MTMR9: variants seen among roughly 807,000 people sequenced by gnomAD.
The protein encoded by MTMR9 is myotubularin-related protein 9.
A neutral mutation model predicts 69.5 loss-of-function variants in MTMR9; 39 were observed. The ratio of observed to expected loss-of-function variants is 0.56; its 90% CI spans 0.43 to 0.73. The LOEUF is 0.73. MTMR9 is among the 30% of genes least tolerant of loss of function. The pLI is 0.00. For synonymous variants in MTMR9, 354 were observed against 240.8 expected, an observed-to-expected ratio of 1.47 and a Z score of -4.35; for missense variants, 900 against 671.2, an observed-to-expected ratio of 1.34 and a Z score of -3.77.
intron 3 of MTMR9, among the ~76,000 whole-genome samples, chr8:11,304,315 A>AAGC (rs1799859255): frequency 6.6e-6 from 1 of 152,174 alleles, no homozygotes; most frequent in Non-Finnish European, 1.5e-5. Context: ...CTGTGTTCTC[A>AAGC]TTTGTTCTGG....
At chr8:11,320,987 C>T (rs759368567) in intron 9 of MTMR9, 6 of 159,526 alleles carry the variant, frequency 3.8e-5, no homozygotes, top group Non-Finnish European at 8.3e-5. Context: ...AGGCAGTTCA[C>T]GTGTGGAAAA....
At chr8:11,298,856 A>G (rs1799652167) in intron 2 of MTMR9, 1 of 985,170 alleles carries the variant, frequency 1.0e-6, no homozygotes, top group Non-Finnish European at 1.2e-6. Context: ...TCTGTTTTCC[A>G]GGATTCAAGT....
intron 8 of MTMR9, 57 bp from the exon 9 acceptor site, chr8:11,319,630 C>A: frequency 6.4e-7 from 1 of 1,570,886 alleles, no homozygotes; most frequent in South Asian, 1.1e-5. Flanking sequence ...AAGAGGAGCA[C>A]TCAATAATGG....
At position 11,327,047 on chromosome 8, in the gene MTMR9, C is replaced by G. The variant is rs1026450368; in HGVS notation, c.*4259C>G. The G allele has an allele frequency of 7.3e-5, 11 of 150,428 alleles. No homozygotes were observed. Among genetic ancestry groups the G allele is most frequent in the African/African-American group, 2.7e-4 (11 of 40,916 alleles). 9.3% of individuals were successfully genotyped at this position (150,428 alleles called of 1,614,324 possible). A position where few individuals can be genotyped will look rare whatever the true frequency, so the allele number is the denominator to read the frequency against. The stretch of plus-strand genomic sequence containing the variant: ...GATAAAATATATACTGATACTATAA[C>G]TTTCTTATGGTATCAGTTTTCTTTA... On this transcript the variant is annotated 3_prime_UTR_variant, in exon 10 of 10. Transcript: ENST00000221086.
chr8:11,286,745 C>T (rs1035103005), intron 1 of MTMR9, among the ~76,000 whole-genome samples: 18 of 149,652 alleles, frequency 1.2e-4, no homozygotes, highest in Non-Finnish European at 2.2e-4. Flanking sequence ...TCATGGCATT[C>T]TGTGTCTCGG....
At chr8:11,291,956 A>G (rs1044230110) in intron 1 of MTMR9, among the ~76,000 whole-genome samples, 1 of 152,156 alleles carries the variant, frequency 6.6e-6, no homozygotes, top group Non-Finnish European at 1.5e-5. Flanking sequence ...GTGTGTTGAT[A>G]TATGTACACA....
intron 3 of MTMR9, among the ~76,000 whole-genome samples, chr8:11,304,414 G>T (rs1037983589): frequency 1.3e-5 from 2 of 152,188 alleles, no homozygotes; most frequent in African/African-American, 4.8e-5. Context: ...GAAGAAGTAG[G>T]ATGATGTTGG....
downstream of MTMR9, chr8:11,332,077 C>G: frequency 6.2e-7 from 1 of 1,611,744 alleles, no homozygotes; most frequent in Non-Finnish European, 8.5e-7. Flanking sequence ...GCCATCATTA[C>G]AGCCCGGAAC....
chr8:11,320,726 T>G (rs916511057), intron 9 of MTMR9: 1 of 152,170 alleles, frequency 6.6e-6, no homozygotes, highest in African/African-American at 2.4e-5. Context: ...CAACGAGACT[T>G]TCTCAAAAAG....
At chr8:11,331,362 C>G (rs765056838), downstream of MTMR9, 45 of 1,613,892 alleles carry the variant, frequency 2.8e-5, no homozygotes, top group South Asian at 4.6e-4. Flanking sequence ...TATTGCCCTG[C>G]TACTTAAACT....
Position 11,319,843 on chromosome 8 carries a change from A to G in MTMR9, c.1486+5A>G. The G allele has an allele frequency of 6.2e-7, 1 of 1,613,900 alleles. No homozygotes were observed. Among genetic ancestry groups the G allele is most frequent in the Middle Eastern group, 1.7e-4 (1 of 6,060 alleles). ...AGAGTCTTCCACTGTGGGAAGGTAAACCACGCATCCTTTGCAAACTTCTTA... is the reference window on the plus strand; with the variant it reads ...AGAGTCTTCCACTGTGGGAAGGTAAGCCACGCATCCTTTGCAAACTTCTTA... On this transcript the variant is annotated splice_donor_5th_base_variant and intron_variant, in intron 9 of 9. Transcript: ENST00000221086.
intron 3 of MTMR9, 66 bp from the exon 4 acceptor site, chr8:11,304,775 A>C: frequency 6.5e-7 from 1 of 1,535,038 alleles, no homozygotes; most frequent in Non-Finnish European, 8.9e-7. Context: ...GGTCTTTTAA[A>C]ATTTCTCAGA....
At chr8:11,306,675 G>A (rs530695513) in intron 5 of MTMR9, among the ~76,000 whole-genome samples, 9 of 152,166 alleles carry the variant, frequency 5.9e-5, no homozygotes, top group Non-Finnish European at 1.3e-4. Context: ...CTATCACGTC[G>A]CATAGTTATC....
intron 3 of MTMR9, among the ~76,000 whole-genome samples, chr8:11,302,076 T>G (rs1799764445): frequency 6.6e-6 from 1 of 151,778 alleles, no homozygotes; most frequent in South Asian, 2.1e-4. Context: ...CTAGGCAACA[T>G]GGTGAAACCC....
At chr8:11,288,691 G>C (rs1799278354) in intron 1 of MTMR9, among the ~76,000 whole-genome samples, 1 of 152,204 alleles carries the variant, frequency 6.6e-6, no homozygotes, top group Non-Finnish European at 1.5e-5. Flanking sequence ...ATAAGCAGTG[G>C]TCAGACCGTG....
chr8:11,298,128 A>G (rs920302488), intron 2 of MTMR9, among the ~76,000 whole-genome samples: 3 of 152,182 alleles, frequency 2.0e-5, no homozygotes, highest in African/African-American at 7.2e-5. Flanking sequence ...TCAGTGTTTC[A>G]CCTGCCTTTG....
intron 1 of MTMR9, among the ~76,000 whole-genome samples, chr8:11,287,704 TATATATATTATA>T (rs922480712): frequency 7.0e-5 from 9 of 128,668 alleles, no homozygotes; most frequent in African/African-American, 3.3e-4. Flanking sequence ...TATTATATAT[TATATATATTATA>T]ATATATATTA....
At chr8:11,321,830 A>T (rs940188013) in intron 9 of MTMR9, among the ~76,000 whole-genome samples, 2 of 152,156 alleles carry the variant, frequency 1.3e-5, no homozygotes, top group Non-Finnish European at 2.9e-5. Flanking sequence ...AGCTGCATAG[A>T]AGGGCTCATT....
chr8:11,306,522 C>A, intron 5 of MTMR9, 115 bp downstream of exon 5: 1 of 851,450 alleles, frequency 1.2e-6, no homozygotes, highest in Non-Finnish European at 1.8e-6. Context: ...AATTTAGGGT[C>A]AATGATGGGC....
Sources: gnomAD v4.1 joint callset for allele counts (sites outside exome capture counted in the v4.1 genomes callset) on GRCh38, gnomAD v4.1.1 for gene constraint, MANE v1.5 for transcripts, NCBI Gene and HGNC (gene_info 2026-07-23, HGNC 2026-07-21) for gene names.